GSG1: variants seen among roughly 807,000 people sequenced by gnomAD.
GSG1 encodes germ cell-specific gene 1 protein.
Under a neutral mutation model 30.8 loss-of-function variants are expected in GSG1, and 28 were observed. The observed-to-expected ratio is 0.91, with a 90% confidence interval of 0.67 to 1.25. GSG1 has a LOEUF of 1.25. Ranked by LOEUF, GSG1 falls within the 50% of genes most tolerant of loss-of-function variation. GSG1 has a pLI of 0.00. For synonymous variants in GSG1, 162 were observed against 178.0 expected (o/e 0.91, Z 0.71); for missense variants, 435 against 444.7 (o/e 0.98, Z 0.20).
chr12:13,089,126 G>A (rs1565530578), intron 3 of GSG1, 82 bp downstream of exon 3: 1 of 1,407,496 alleles, frequency 7.1e-7, no homozygotes, highest in Non-Finnish European at 9.7e-7. Context: ...TGCAGAAGAT[G>A]TTTCCATGAG....
chr12:13,102,563 AGCTCAGCTCT>A (rs1235777867), intron 1 of GSG1, among the ~76,000 whole-genome samples: 1 of 152,258 alleles, frequency 6.6e-6, no homozygotes, highest in Non-Finnish European at 1.5e-5. Flanking sequence ...CAGAACCACC[AGCTCAGCTCT>A]GCAGTCCCAG....
intron 5 of GSG1, 44 bp downstream of exon 5, chr12:13,087,863 G>T (rs762780657): frequency 1.1e-5 from 17 of 1,592,912 alleles, no homozygotes; most frequent in Non-Finnish European, 1.5e-5. Flanking sequence ...GGCTTCAAAA[G>T]TGGCCAGGGC....
intron 5 of GSG1, 38 bp from the exon 6 acceptor site, chr12:13,087,301 GGCTTTCAT>G: frequency 6.7e-7 from 1 of 1,488,124 alleles, no homozygotes. Flanking sequence ...CTTAGAGAAA[GGCTTTCAT>G]GCCATCTGCC....
rs777539932 is a variant in GSG1 at position 13,088,859 on chromosome 12, C to T, written c.481+3G>A. The T allele has an allele frequency of 3.5e-5, 56 of 1,614,190 alleles. No homozygotes were observed. The South Asian group carries it at 3.8e-4, about 11-fold the overall frequency. On this transcript the variant is annotated splice_donor_region_variant and intron_variant, in intron 4 of 6. Transcript: ENST00000651961. ...GTGGCAAATTCCAGTAGTCCTTTCT[C>T]ACCTCTCTTGGCTGGTGGTGTAAGT...
At chr12:13,102,555 G>A (rs1414659945) in intron 1 of GSG1, among the ~76,000 whole-genome samples, 1 of 152,222 alleles carries the variant, frequency 6.6e-6, no homozygotes, top group Non-Finnish European at 1.5e-5. Flanking sequence ...TGGCTCTTCA[G>A]AACCACCAGC....
chr12:13,099,494 T>C (rs1862989703), intron 1 of GSG1, among the ~76,000 whole-genome samples: 1 of 152,218 alleles, frequency 6.6e-6, no homozygotes, highest in South Asian at 2.1e-4. Flanking sequence ...TAACCCATAT[T>C]TGCTGAGGTC....
chr12:13,090,841 G>T (rs773845134), intron 1 of GSG1, 23 bp from the exon 2 acceptor site: 79 of 1,583,256 alleles, frequency 5.0e-5, no homozygotes, highest in Non-Finnish European at 6.5e-5. Context: ...AGCACAAGTG[G>T]AAGGGAAGGG....
At chr12:13,099,992 T>C (rs1400344113) in intron 1 of GSG1, among the ~76,000 whole-genome samples, 1 of 152,248 alleles carries the variant, frequency 6.6e-6, no homozygotes, top group East Asian at 1.9e-4. Flanking sequence ...CTTCTGCATG[T>C]CCTAGCATGT....
chr12:13,094,357 A>G (rs1489158422), intron 1 of GSG1, among the ~76,000 whole-genome samples: 1 of 152,242 alleles, frequency 6.6e-6, no homozygotes, highest in Non-Finnish European at 1.5e-5. Context: ...CAACTTCTGA[A>G]AAGCAATCTG....
At chr12:13,102,856 G>A (rs138442460) in intron 1 of GSG1, among the ~76,000 whole-genome samples, 7 of 152,332 alleles carry the variant, frequency 4.6e-5, no homozygotes, top group African/African-American at 1.4e-4. Context: ...TAAACAAGCC[G>A]CAACTTCTCT....
chr12:13,090,636 G>A lies in GSG1; in HGVS notation c.231C>T (p.Ser77=), dbSNP rs758368193. ...TGGATGTGTTGGTATCTCCATCCAG[G>A]GACACTGGCATGTCAAAGCACTTGG... ...LAAKCFDMPV[S]LDGDTNTSTQ... is the part of the protein sequence containing the mutation. Residue 77 remains serine (S), a synonymous_variant, in exon 2 of 7, where the codon TCC becomes TCT. Coordinates refer to ENST00000651961, the MANE Select transcript of GSG1 (RefSeq NM_001080555.4). The A allele has an allele frequency of 4.3e-6, 7 of 1,614,070 alleles. No homozygotes were observed. Among genetic ancestry groups the A allele is most frequent in the Non-Finnish European group, 5.9e-6 (7 of 1,180,046 alleles).
intron 1 of GSG1, among the ~76,000 whole-genome samples, chr12:13,098,054 A>G (rs1198809315): frequency 1.3e-5 from 2 of 151,908 alleles, no homozygotes; most frequent in Non-Finnish European, 2.9e-5. Flanking sequence ...GTGCAGGTAC[A>G]TTTTCTGCAT....
At position 13,087,894 on chromosome 12, in the gene GSG1, A is replaced by T. The variant is rs1865688845; in HGVS notation, c.634+13T>A. 1.5e-5 allele frequency: 24 copies of T among 1,613,212 alleles called. No homozygotes were observed. The highest frequency in any genetic ancestry group is 2.0e-5 in the Non-Finnish European group (24 of 1,179,670). On this transcript the variant is annotated intron_variant, in intron 5 of 6. Coordinates refer to ENST00000651961, the MANE Select transcript of GSG1 (RefSeq NM_001080555.4). ...AGGGCCAACCACCCTCTCTCACTCCAGGAGCAACTCACCTGACAGGACAGA... is the reference window on the plus strand; with the variant it reads ...AGGGCCAACCACCCTCTCTCACTCCTGGAGCAACTCACCTGACAGGACAGA...
At chr12:13,087,322 G>C in intron 5 of GSG1, 59 bp from the exon 6 acceptor site, 1 of 1,337,682 alleles carries the variant, frequency 7.5e-7, no homozygotes, top group Non-Finnish European at 1.1e-6. Flanking sequence ...CATCTGCCAG[G>C]AGTACGATTT....
chr12:13,090,535 C>T lies in GSG1; in HGVS notation c.332G>A (p.Trp111Ter). Residue 111 changes from tryptophan to a stop codon, truncating the protein, a stop_gained, in exon 2 of 7, where the codon TGG (tryptophan) becomes TAG (stop). Transcript: ENST00000651961. LOFTEE classifies it high-confidence loss of function. ...TTCCACAGTTTCCTCACAGGATAGC[C>T]ACATGCCACTCCGGAAGCTCCGGAA... ...FSFRSFRSGMWLSCEETVEEP... is the reference protein window; with the variant it reads ...FSFRSFRSGM The T allele has an allele frequency of 6.2e-7, 1 of 1,613,902 alleles. No homozygotes were observed. The highest frequency in any genetic ancestry group is 8.5e-7 in the Non-Finnish European group (1 of 1,179,802).
At chr12:13,103,378 G>T in intron 1 of GSG1, 87 bp downstream of exon 1, 1 of 952,858 alleles carries the variant, frequency 1.0e-6, no homozygotes, top group Non-Finnish European at 1.7e-6. Context: ...ACATGAAATT[G>T]ATGAGTTAGT....
intron 1 of GSG1, among the ~76,000 whole-genome samples, chr12:13,092,846 C>T (rs549644621): frequency 6.6e-6 from 1 of 150,666 alleles, no homozygotes; most frequent in East Asian, 2.0e-4. Flanking sequence ...GGCTGGAGTG[C>T]AATGGCACAA....
chr12:13,093,076 G>T lies in GSG1; in HGVS notation c.49-2258C>A, dbSNP rs996915673. Among the ~76,000 whole-genome samples, 2 of 151,652 alleles carry T rather than the reference G, an allele frequency of 1.3e-5. No individual in the cohort carries two copies. Among genetic ancestry groups the T allele is most frequent in the Non-Finnish European group, 2.9e-5 (2 of 67,930 alleles). Reference sequence around the variant, plus strand: ...CTCCCAAAGTGCTGGGATTACAGGCGTTAAGCCACCACGCCTGGCCGGTTA... The same window carrying T: ...CTCCCAAAGTGCTGGGATTACAGGCTTTAAGCCACCACGCCTGGCCGGTTA... On this transcript the variant is annotated intron_variant, in intron 1 of 6. Transcript: ENST00000651961. This position sits in a 1 kb window ranked among gnomAD's most constrained non-coding sequence, Gnocchi z 4.6.
intron 1 of GSG1, among the ~76,000 whole-genome samples, chr12:13,100,410 A>G (rs1201395552): frequency 6.6e-6 from 1 of 152,154 alleles, no homozygotes; most frequent in African/African-American, 2.4e-5. Context: ...ATTTCCTCTC[A>G]CCTGTGGAAA....
Sources: gnomAD v4.1 joint callset for allele counts (sites outside exome capture counted in the v4.1 genomes callset) on GRCh38, gnomAD v4.1.1 for gene constraint, Gnocchi (gnomAD v3.1) non-coding constraint, MANE v1.5 for transcripts, NCBI Gene and HGNC (gene_info 2026-07-23, HGNC 2026-07-21) for gene names.